Variants in INVS observed in about 807,000 individuals in gnomAD.
INVS encodes the protein inversion of embryo turning homolog.
Under a neutral mutation model 108.8 loss-of-function variants are expected in INVS, and 86 were observed. The observed-to-expected ratio is 0.79, with a 90% CI of 0.66 to 0.95. The LOEUF is 0.95. INVS is among the 40% of genes least tolerant of loss of function. INVS has a pLI of 0.00. For missense variants in INVS, 1,169 were observed against 1,297.4 expected (o/e 0.90, Z 1.52); for synonymous variants, 455 against 473.5 (o/e 0.96, Z 0.51).
At chr9:100,242,023 A>T (rs1293861251) in intron 6 of INVS, among the ~76,000 whole-genome samples, 2 of 152,112 alleles carry the variant, frequency 1.3e-5, no homozygotes, top group African/African-American at 4.8e-5. Context: ...GTTTTCTGAG[A>T]TTTGAAATCA....
At chr9:100,127,211 A>AT (rs1554715281) in intron 3 of INVS, among the ~76,000 whole-genome samples, 1 of 152,070 alleles carries the variant, frequency 6.6e-6, no homozygotes, top group Non-Finnish European at 1.5e-5. Flanking sequence ...TAATTAATTA[A>AT]TTAATTTAAT....
At chr9:100,135,547 G>C (rs1475697053) in intron 3 of INVS, among the ~76,000 whole-genome samples, 1 of 152,130 alleles carries the variant, frequency 6.6e-6, no homozygotes, top group East Asian at 1.9e-4. Flanking sequence ...ATTTGTCTTT[G>C]CTGCATTTTC....
chr9:100,143,064 C>G (rs575935638), intron 3 of INVS, among the ~76,000 whole-genome samples: 27 of 152,234 alleles, frequency 1.8e-4, no homozygotes, highest in African/African-American at 6.0e-4. Flanking sequence ...TGAAGCCTTG[C>G]AGCAGTACAG....
chr9:100,282,687 G>A (rs1466759715), intron 12 of INVS, among the ~76,000 whole-genome samples: 1 of 152,158 alleles, frequency 6.6e-6, no homozygotes, highest in African/African-American at 2.4e-5. Context: ...CTGATCCTTA[G>A]CTCTGCAATT....
intron 3 of INVS, among the ~76,000 whole-genome samples, chr9:100,174,465 T>C (rs1829645347): frequency 6.6e-6 from 1 of 151,474 alleles, no homozygotes; most frequent in Non-Finnish European, 1.5e-5. Context: ...TAGGACAATA[T>C]TGAAAGACCA....
Position 100,284,545 on chromosome 9 carries a change from C to T in INVS, c.2010C>T (p.Leu670=), listed in dbSNP as rs765590635. Residue 670 remains leucine (L), a synonymous_variant, in exon 13 of 17, where the codon CTC becomes CTT. Coordinates refer to ENST00000262457, the MANE Select transcript of INVS (RefSeq NM_014425.5). Reference sequence around the variant, plus strand: ...CAGGAGGGTCTCTAGGCGGAGCCCTCCAGAAGGAGCAGCATGTTTCCTCAG... The same window carrying T: ...CAGGAGGGTCTCTAGGCGGAGCCCTTCAGAAGGAGCAGCATGTTTCCTCAG... The part of the protein sequence containing the change: ...GSPGGSLGGA[L]QKEQHVSSDL... The T allele has an allele frequency of 6.2e-7, 1 of 1,613,884 alleles. No individual in the cohort carries two copies. Among genetic ancestry groups the T allele is most frequent in the South Asian group, 1.1e-5 (1 of 91,052 alleles).
intron 1 of INVS, among the ~76,000 whole-genome samples, chr9:100,100,863 T>TATATATATTATATATGTATATATA (rs1564112034): frequency 1.5e-3 from 8 of 5,478 alleles, no homozygotes; most frequent in African/African-American, 3.1e-3. Flanking sequence ...GTATATATAA[T>TATATATATTATATATGTATATATA]ATATATATTA....
intron 3 of INVS, among the ~76,000 whole-genome samples, chr9:100,224,423 G>C (rs1430518386): frequency 6.6e-6 from 1 of 152,124 alleles, no homozygotes; most frequent in Non-Finnish European, 1.5e-5. Flanking sequence ...CACTGACCTT[G>C]AAATATCTGA....
intron 3 of INVS, among the ~76,000 whole-genome samples, chr9:100,156,528 G>T (rs745607658): frequency 6.6e-6 from 1 of 152,000 alleles, no homozygotes; most frequent in Non-Finnish European, 1.5e-5. Context: ...CTCCCAAGGT[G>T]CTAGTGTATT....
chr9:100,217,466 G>A (rs893445414), intron 3 of INVS, among the ~76,000 whole-genome samples: 5 of 152,272 alleles, frequency 3.3e-5, no homozygotes, highest in African/African-American at 4.8e-5. Context: ...CATCAGAGAC[G>A]AAAAGCGTCA....
chr9:100,118,851 G>A (rs778437006), intron 2 of INVS, among the ~76,000 whole-genome samples: 3 of 151,962 alleles, frequency 2.0e-5, no homozygotes, highest in Non-Finnish European at 2.9e-5. Context: ...AGTAGAGATG[G>A]GGTTTCACCA....
chr9:100,138,789 G>A (rs772269670), intron 3 of INVS, among the ~76,000 whole-genome samples: 5 of 141,902 alleles, frequency 3.5e-5, no homozygotes, highest in South Asian at 2.4e-4. Context: ...TCACTGCAAC[G>A]TCTGCCTCCT....
chr9:100,292,504 G>A lies in INVS; in HGVS notation c.2247G>A (p.Arg749=), dbSNP rs769950635. ...TCGTGAAGCAGCCCTCCTGTATCAG[G>A]GTGGCTGGGCCTGATGAGAAAGGAG... The part of the protein sequence containing the change: ...KGFVKQPSCI[R]VAGPDEKGED... Residue 749 remains arginine, a synonymous_variant, in exon 14 of 17, where the codon AGG becomes AGA. Coordinates refer to ENST00000262457, the MANE Select transcript of INVS (RefSeq NM_014425.5). 14 of 1,614,154 alleles carry A rather than the reference G, an allele frequency of 8.7e-6. No individual in the cohort carries two copies. The highest frequency in any genetic ancestry group is 1.1e-5 in the Non-Finnish European group (13 of 1,180,030).
At chr9:100,167,860 T>G (rs1004124178) in intron 3 of INVS, among the ~76,000 whole-genome samples, 2 of 152,134 alleles carry the variant, frequency 1.3e-5, no homozygotes, top group African/African-American at 4.8e-5. Context: ...ATGCATATAT[T>G]GTGGGCAAAA....
At chr9:100,299,444 C>A (rs13298792) in intron 16 of INVS, among the ~76,000 whole-genome samples, 1 of 152,040 alleles carries the variant, frequency 6.6e-6, no homozygotes, top group East Asian at 1.9e-4. Context: ...TGGGCTGTTT[C>A]TCCACATGTA....
intron 3 of INVS, among the ~76,000 whole-genome samples, chr9:100,198,023 G>T (rs919028791): frequency 6.6e-6 from 1 of 152,124 alleles, no homozygotes; most frequent in South Asian, 2.1e-4. Flanking sequence ...TGGGAGTTAA[G>T]AGCCAGAAAC....
intron 12 of INVS, among the ~76,000 whole-genome samples, chr9:100,280,805 T>C (rs554368032): frequency 2.0e-5 from 3 of 152,312 alleles, no homozygotes; most frequent in South Asian, 4.1e-4. Context: ...AAGCTAGTTA[T>C]GGCTGAGTGT....
At chr9:100,203,590 C>G (rs1830593303) in intron 3 of INVS, among the ~76,000 whole-genome samples, 1 of 148,614 alleles carries the variant, frequency 6.7e-6, no homozygotes, top group African/African-American at 2.5e-5. Context: ...GTAAACTCTG[C>G]CTCCCCAGTT....
chr9:100,209,566 C>T (rs917526985), intron 3 of INVS, among the ~76,000 whole-genome samples: 4 of 151,930 alleles, frequency 2.6e-5, no homozygotes, highest in African/African-American at 9.7e-5. Context: ...GTCAGGAGAT[C>T]GAGACCATCC....
Sources: allele counts gnomAD v4.1 joint callset (sites outside exome capture counted in the v4.1 genomes callset), GRCh38; gene constraint gnomAD v4.1.1; transcripts MANE v1.5; gene names NCBI Gene and HGNC (gene_info 2026-07-23, HGNC 2026-07-21).